BLTP1: variants seen among roughly 807,000 people sequenced by gnomAD.
BLTP1 encodes bridge-like lipid transfer protein family member 1.
chr4:122,219,237 T>TA, the BLTP1 span: 2 of 1,490,114 alleles, frequency 1.3e-6, no homozygotes, highest in South Asian at 2.8e-5. Flanking sequence ...TTATTAAATA[T>TA]AATAGGTTAA....
the BLTP1 span, chr4:122,186,134 G>T: frequency 6.2e-7 from 1 of 1,612,304 alleles, no homozygotes. Flanking sequence ...AGAGTTGTTT[G>T]GTTTGGAGCC....
chr4:122,349,022 T>A, the BLTP1 span: 2 of 722,564 alleles, frequency 2.8e-6, no homozygotes, highest in Non-Finnish European at 4.2e-6. The surrounding 1 kb of genome is among the most constrained non-coding windows in gnomAD (Gnocchi z 4.5). Context: ...CCACACAGTT[T>A]TTATATAAAG....
chr4:122,247,504 C>T, the BLTP1 span: 29 of 1,046,652 alleles, frequency 2.8e-5, no homozygotes, highest in African/African-American at 2.9e-4. Context: ...ATATTGAACA[C>T]GTGGTATTTA....
the BLTP1 span, chr4:122,211,985 T>C: frequency 1.3e-6 from 1 of 786,066 alleles, no homozygotes; most frequent in Non-Finnish European, 1.5e-6. Context: ...TTAAGAAATT[T>C]TGCATTTTTA....
the BLTP1 span, chr4:122,340,677 A>G: frequency 1.0e-6 from 1 of 978,112 alleles, no homozygotes; most frequent in Non-Finnish European, 1.2e-6. Context: ...TACCTTAGAA[A>G]TAAAGCTTTT....
chr4:122,327,095 G>C, the BLTP1 span, among the ~76,000 whole-genome samples: 2 of 80,956 alleles, frequency 2.5e-5, no homozygotes, highest in Non-Finnish European at 5.5e-5. Context: ...TAGGTCATAG[G>C]GGGGTGTTTT....
At chr4:122,328,733 A>G in the BLTP1 span, 1 of 984,056 alleles carries the variant, frequency 1.0e-6, no homozygotes, top group Non-Finnish European at 1.2e-6. Flanking sequence ...GAAAAGTAGT[A>G]AAGGGAAATG....
At chr4:122,187,405 A>C in the BLTP1 span, 1 of 1,609,392 alleles carries the variant, frequency 6.2e-7, no homozygotes, top group Non-Finnish European at 8.5e-7. Flanking sequence ...TTTCTTATTC[A>C]TGTCAGTTTT....
chr4:122,166,532 G>A, the BLTP1 span, among the ~76,000 whole-genome samples: 2 of 152,152 alleles, frequency 1.3e-5, no homozygotes, highest in East Asian at 3.8e-4. Context: ...TGTTCTTTTG[G>A]GTTAGGATTG....
At chr4:122,250,957 A>G in the BLTP1 span, 1 of 985,300 alleles carries the variant, frequency 1.0e-6, no homozygotes, top group Non-Finnish European at 1.2e-6. Context: ...TATTTTTGTC[A>G]GTGTTTGCTT....
At chr4:122,233,190 A>G in the BLTP1 span, among the ~76,000 whole-genome samples, 2 of 152,228 alleles carry the variant, frequency 1.3e-5, no homozygotes, top group Non-Finnish European at 2.9e-5. Context: ...AATACAAGCT[A>G]ACGTTTGAGA....
chr4:122,295,692 C>CA, the BLTP1 span, among the ~76,000 whole-genome samples: 2 of 152,018 alleles, frequency 1.3e-5, no homozygotes, highest in African/African-American at 2.4e-5. Flanking sequence ...CAAAAATCCT[C>CA]AAAAAAATAC....
At chr4:122,271,111 G>A in the BLTP1 span, 4 of 1,613,756 alleles carry the variant, frequency 2.5e-6, no homozygotes, top group African/African-American at 1.3e-5. Flanking sequence ...AAAAGTCCGT[G>A]TGCACCCCTC....
At chr4:122,326,302 C>A in the BLTP1 span, among the ~76,000 whole-genome samples, 4 of 151,684 alleles carry the variant, frequency 2.6e-5, no homozygotes, top group Admixed American at 6.6e-5. Flanking sequence ...AATAATTGAA[C>A]ATTCTTTTGA....
chr4:122,254,165 A>C, the BLTP1 span: 1 of 1,606,084 alleles, frequency 6.2e-7, no homozygotes, highest in Non-Finnish European at 8.5e-7. Context: ...GCTGTATGTT[A>C]ATAAGTTTTT....
the BLTP1 span, among the ~76,000 whole-genome samples, chr4:122,248,455 G>T: frequency 4.5e-4 from 69 of 152,120 alleles, no homozygotes; most frequent in African/African-American, 1.6e-3. Flanking sequence ...TCTGCCAAAG[G>T]TTACTTAATA....
At chr4:122,272,507 A>AT in the BLTP1 span, 4,640 of 939,434 alleles carry the variant, frequency 4.9e-3, no homozygotes, top group Non-Finnish European at 5.5e-3. Context: ...TAATTGGCAA[A>AT]TTTTTTTTTT....
chr4:122,362,076 T>C, the BLTP1 span: 1 of 1,612,894 alleles, frequency 6.2e-7, no homozygotes, highest in Non-Finnish European at 8.5e-7. Flanking sequence ...TAGGTGTTGA[T>C]TATATTCTTC....
the BLTP1 span, among the ~76,000 whole-genome samples, chr4:122,354,839 G>C: frequency 4.8e-4 from 73 of 151,728 alleles, no homozygotes; most frequent in African/African-American, 1.7e-3. Flanking sequence ...GCTAATTTTT[G>C]TATTTTTAGT....
Sources: gnomAD v4.1 joint callset for allele counts (sites outside exome capture counted in the v4.1 genomes callset) on GRCh38, gnomAD v4.1.1 for gene constraint, Gnocchi (gnomAD v3.1) non-coding constraint, MANE v1.5 for transcripts, NCBI Gene and HGNC (gene_info 2026-07-23, HGNC 2026-07-21) for gene names.